The following DOCK3 variants were observed in gnomAD, a reference collection of about 807,000 sequenced individuals.
DOCK3 encodes dedicator of cytokinesis 3.
DOCK3 carries 60 observed loss-of-function variants against 265.6 expected under a neutral mutation model. The ratio of observed to expected loss-of-function variants is 0.23; its 90% CI spans 0.18 to 0.28. DOCK3 has a LOEUF of 0.28. DOCK3 is among the 10% of genes least tolerant of loss of function. The pLI, the probability that DOCK3 is intolerant of heterozygous loss-of-function variation, is 1.00. For missense variants in DOCK3, 1,981 were observed against 2,594.3 expected, an observed-to-expected ratio of 0.76 and a Z score of 5.14; for synonymous variants, 881 against 938.0, an observed-to-expected ratio of 0.94 and a Z score of 1.11.
chr3:50,883,273 A>G (rs112259962), intron 3 of DOCK3, among the ~76,000 whole-genome samples: 47 of 152,270 alleles, frequency 3.1e-4, no homozygotes, highest in African/African-American at 9.9e-4. Flanking sequence ...TTAAAAAAAA[A>G]AGGCCATTTT....
At chr3:51,186,882 G>T (rs2087635500) in intron 12 of DOCK3, among the ~76,000 whole-genome samples, 1 of 152,242 alleles carries the variant, frequency 6.6e-6, no homozygotes, top group African/African-American at 2.4e-5. Context: ...GTATGGAAAT[G>T]CCTGGATGCC....
intron 5 of DOCK3, among the ~76,000 whole-genome samples, chr3:51,036,672 G>A (rs1160963727): frequency 2.0e-5 from 3 of 151,854 alleles, no homozygotes; most frequent in East Asian, 1.9e-4. Flanking sequence ...TTGGAGTCAC[G>A]ACTAGGTTAA....
At chr3:51,167,115 C>G (rs139716318) in intron 12 of DOCK3, among the ~76,000 whole-genome samples, 8 of 152,142 alleles carry the variant, frequency 5.3e-5, no homozygotes, top group Admixed American at 1.3e-4. Context: ...CATTTAATCT[C>G]TTTCGAGTTA....
chr3:51,023,138 T>G (rs1333034304), intron 5 of DOCK3, among the ~76,000 whole-genome samples: 1 of 152,198 alleles, frequency 6.6e-6, no homozygotes, highest in Non-Finnish European at 1.5e-5. Flanking sequence ...TTCCCTCAAA[T>G]AAGTTTTCCA....
intron 9 of DOCK3, among the ~76,000 whole-genome samples, chr3:51,117,652 C>T (rs749407223): frequency 9.9e-5 from 15 of 151,944 alleles, no homozygotes; most frequent in Non-Finnish European, 1.9e-4. Flanking sequence ...ACTTGTTGGT[C>T]TATTCAGGGA....
At chr3:50,745,175 A>G (rs1463603833) in intron 1 of DOCK3, among the ~76,000 whole-genome samples, 2 of 152,008 alleles carry the variant, frequency 1.3e-5, no homozygotes, top group African/African-American at 4.8e-5. Flanking sequence ...CCTCCCAAGT[A>G]GCTGGAATTA....
intron 9 of DOCK3, among the ~76,000 whole-genome samples, chr3:51,136,976 T>C (rs950324682): frequency 2.2e-4 from 34 of 151,986 alleles, no homozygotes; most frequent in African/African-American, 7.7e-4. Context: ...TGTATACATA[T>C]GTAACTAACC....
At chr3:51,036,830 G>C (rs1017979841) in intron 5 of DOCK3, among the ~76,000 whole-genome samples, 4 of 152,122 alleles carry the variant, frequency 2.6e-5, no homozygotes, top group Non-Finnish European at 5.9e-5. Context: ...TTCCCATGCT[G>C]TTCACCTGAT....
chr3:51,093,177 C>T (rs1261110358), intron 9 of DOCK3, among the ~76,000 whole-genome samples: 1 of 152,086 alleles, frequency 6.6e-6, no homozygotes, highest in Non-Finnish European at 1.5e-5. Flanking sequence ...TTTTTGGTTC[C>T]ATATGAAATT....
At chr3:50,815,485 C>T (rs1460806068) in intron 2 of DOCK3, among the ~76,000 whole-genome samples, 1 of 152,118 alleles carries the variant, frequency 6.6e-6, no homozygotes, top group East Asian at 1.9e-4. Flanking sequence ...TGAAATTGAC[C>T]TTCGTCTCTT....
chr3:50,734,344 T>A (rs866605214), intron 1 of DOCK3, among the ~76,000 whole-genome samples: 19 of 151,834 alleles, frequency 1.3e-4, no homozygotes, highest in Middle Eastern at 3.4e-3. Flanking sequence ...ACCAAAAAAA[T>A]AAAAATTAGC....
chr3:50,829,066 GATTT>G (rs769606246), intron 2 of DOCK3, among the ~76,000 whole-genome samples: 6 of 151,898 alleles, frequency 4.0e-5, no homozygotes, highest in East Asian at 1.9e-4. Context: ...TTCTATCTGG[GATTT>G]ATTTATTTAT....
At chr3:51,305,640 T>C (rs4974108) in intron 27 of DOCK3, among the ~76,000 whole-genome samples, 124,319 of 151,244 alleles carry the variant, frequency 0.82, 51,690 homozygotes, top group Middle Eastern at 0.9. Context: ...CTTTGTTCCT[T>C]TGTTCCTCCA....
chr3:50,743,308 A>G (rs1179751360), intron 1 of DOCK3, among the ~76,000 whole-genome samples: 1 of 152,168 alleles, frequency 6.6e-6, no homozygotes, highest in African/African-American at 2.4e-5. Context: ...TAACCAGCTA[A>G]CATCATCATT....
chr3:51,288,106 C>G (rs2081511471), intron 27 of DOCK3, among the ~76,000 whole-genome samples: 1 of 152,128 alleles, frequency 6.6e-6, no homozygotes, highest in Non-Finnish European at 1.5e-5. Flanking sequence ...AAGAAGAGAA[C>G]AACAGGCAGG....
chr3:50,917,327 A>G (rs2050182023), intron 4 of DOCK3, among the ~76,000 whole-genome samples: 3 of 152,036 alleles, frequency 2.0e-5, no homozygotes, highest in African/African-American at 2.4e-5. Context: ...TGGGTTGGGT[A>G]GTAGGGTGGG....
chr3:50,726,091 A>G (rs1459106141), intron 1 of DOCK3, among the ~76,000 whole-genome samples: 3 of 152,186 alleles, frequency 2.0e-5, no homozygotes, highest in Non-Finnish European at 2.9e-5. Context: ...TCTACTACTT[A>G]TAATACCTAA....
chr3:50,773,309 G>A (rs985368519), intron 1 of DOCK3, among the ~76,000 whole-genome samples: 3 of 152,036 alleles, frequency 2.0e-5, no homozygotes, highest in Non-Finnish European at 2.9e-5. Context: ...ACCCTTAAAT[G>A]TAAGACCTGA....
intron 4 of DOCK3, among the ~76,000 whole-genome samples, chr3:50,913,077 G>A (rs2049943353): frequency 1.3e-5 from 2 of 152,082 alleles, no homozygotes; most frequent in African/African-American, 4.8e-5. Context: ...GAAGGCAGCA[G>A]GTCTCAGATT....
Sources: gnomAD v4.1 joint callset for allele counts (sites outside exome capture counted in the v4.1 genomes callset) on GRCh38, gnomAD v4.1.1 for gene constraint, MANE v1.5 for transcripts, NCBI Gene and HGNC (gene_info 2026-07-23, HGNC 2026-07-21) for gene names.